Variants in YIPF4 observed in about 807,000 individuals in gnomAD.
YIPF4 encodes Yip1 domain family member 4.
In YIPF4, 18 loss-of-function variants were observed where a neutral mutation model predicts 29.4. That is an observed-to-expected ratio of 0.61 (90% confidence interval 0.42 to 0.91). The LOEUF (loss-of-function observed/expected upper bound fraction) is 0.91. Among genes scored for constraint, YIPF4 ranks in the 40% least tolerant of loss-of-function variants. The pLI, the probability that YIPF4 is intolerant of heterozygous loss-of-function variation, is 0.00. For synonymous variants in YIPF4, 115 were observed against 104.7 expected (o/e 1.10, Z -0.60); for missense variants, 279 against 282.7 (o/e 0.99, Z 0.09).
chr2:32,291,736 G>A (rs191559182), intron 2 of YIPF4, among the ~76,000 whole-genome samples: 1 of 152,276 alleles, frequency 6.6e-6, no homozygotes, highest in Non-Finnish European at 1.5e-5. Flanking sequence ...AAGGAAGTTT[G>A]CTTCAGTTTG....
chr2:32,280,882 T>C (rs758437372), intron 1 of YIPF4, among the ~76,000 whole-genome samples: 2 of 152,338 alleles, frequency 1.3e-5, no homozygotes, highest in South Asian at 4.1e-4. Flanking sequence ...ATATCAACTT[T>C]AATTTCCCAG....
intron 4 of YIPF4, among the ~76,000 whole-genome samples, chr2:32,299,830 G>T (rs2031330046): frequency 6.6e-6 from 1 of 151,628 alleles, no homozygotes; most frequent in African/African-American, 2.4e-5. Flanking sequence ...AATAAATAAG[G>T]AGTTTTGAGC....
rs1369884308 is a variant in YIPF4, at chr2:32,308,344, C to G, written c.*2718C>G. ...CAGGATGGTCTCGATCTCCTGACCT[C>G]GTGATCCGCCCGCCTCAGCCTCCCA... On this transcript the variant is annotated 3_prime_UTR_variant, in exon 6 of 6. Coordinates refer to ENST00000238831, the MANE Select transcript of YIPF4 (RefSeq NM_032312.4). The G allele has an allele frequency of 3.9e-5, 6 of 152,212 alleles. No individual in the cohort carries two copies. Among genetic ancestry groups the G allele is most frequent in the African/African-American group, 1.2e-4 (5 of 41,444 alleles). The allele number at this position is 152,212 out of a possible 1,614,324, so 9.4% of individuals were successfully genotyped here.
chr2:32,291,254 G>A (rs548580683), intron 2 of YIPF4, among the ~76,000 whole-genome samples: 163 of 152,290 alleles, frequency 1.1e-3, no homozygotes, highest in African/African-American at 3.8e-3. Context: ...CCATATATCG[G>A]CCAGGCATAG....
At chr2:32,279,846 T>G (rs191778076) in intron 1 of YIPF4, among the ~76,000 whole-genome samples, 197 of 151,760 alleles carry the variant, frequency 1.3e-3, no homozygotes, top group African/African-American at 4.7e-3. Flanking sequence ...CAATAAAATT[T>G]TTGTCTATCA....
chr2:32,278,499 G>A (rs1447598421), intron 1 of YIPF4, among the ~76,000 whole-genome samples: 1 of 152,136 alleles, frequency 6.6e-6, no homozygotes, highest in East Asian at 1.9e-4. Flanking sequence ...TTTCTGGGTG[G>A]CTTAGTCTCT....
At position 32,297,127 on chromosome 2, in the gene YIPF4, G is replaced by T. The variant is rs537786764; in HGVS notation, c.406-1107G>T. Among the ~76,000 whole-genome samples the T allele has an allele frequency of 3.6e-3, 522 of 143,840 alleles. 3 individuals carry two copies. The highest frequency in any genetic ancestry group is 0.013 in the East Asian group (63 of 4,964). 94.4% of individuals were successfully genotyped at this position (143,840 alleles called of 152,430 possible). A position where few individuals can be genotyped will look rare whatever the true frequency, so the allele number is the denominator to read the frequency against. On this transcript the variant is annotated intron_variant, in intron 3 of 5. Transcript: ENST00000238831. ...CAGCCTTGGAATCAACCGTTTTTTT[G>T]TTTTTTTTTTTCTTGAAATGGTGTT...
rs1307468688 is a variant in YIPF4, at chr2:32,316,554, G to T, written c.*10928G>T. 1 of 152,124 alleles carries T rather than the reference G, an allele frequency of 6.6e-6. No individual in the cohort carries two copies. Among genetic ancestry groups the T allele is most frequent in the South Asian group, 2.1e-4 (1 of 4,826 alleles). 9.4% of individuals were successfully genotyped at this position (152,124 alleles called of 1,614,324 possible). On this transcript the variant is annotated 3_prime_UTR_variant, in exon 6 of 6. Transcript: ENST00000238831. ...TGTGTCAATGGTAAATAGTATTATT[G>T]TAAGTACAACACTAAAATTAATAAA...
At chr2:32,302,998 A>C (rs1490076648) in intron 5 of YIPF4, among the ~76,000 whole-genome samples, 1 of 152,152 alleles carries the variant, frequency 6.6e-6, no homozygotes, top group Non-Finnish European at 1.5e-5. Context: ...AGGTATCTTA[A>C]CTTTTCTTAC....
chr2:32,283,428 C>G lies in YIPF4; in HGVS notation c.79+5194C>G, dbSNP rs569926537. Among the ~76,000 whole-genome samples, 3 of 152,252 alleles carry G rather than the reference C, an allele frequency of 2.0e-5. No individual in the cohort carries two copies. The South Asian group carries it at 6.2e-4, about 32-fold the overall frequency. On this transcript the variant is annotated intron_variant, in intron 1 of 5. Transcript: ENST00000238831. ...TCATTCTTAATGATAGCTATCCTTA[C>G]TATTTCTCCACACATACCCTTTATT...
intron 1 of YIPF4, among the ~76,000 whole-genome samples, chr2:32,281,138 G>A (rs2030389276): frequency 6.6e-6 from 1 of 151,858 alleles, no homozygotes; most frequent in South Asian, 2.1e-4. Flanking sequence ...ATATAGGTCT[G>A]TATATCCACG....
chr2:32,283,214 C>T (rs1349094138), intron 1 of YIPF4, among the ~76,000 whole-genome samples: 1 of 151,942 alleles, frequency 6.6e-6, no homozygotes, highest in Non-Finnish European at 1.5e-5. Flanking sequence ...GTTAACTGAC[C>T]CCACACTTTT....
At chr2:32,294,662 G>T (rs2031096277) in intron 3 of YIPF4, among the ~76,000 whole-genome samples, 1 of 152,052 alleles carries the variant, frequency 6.6e-6, no homozygotes. Flanking sequence ...TCCCAGACGG[G>T]GTGGCGGCCG....
At chr2:32,295,023 T>G (rs2031117534) in intron 3 of YIPF4, among the ~76,000 whole-genome samples, 1 of 132,936 alleles carries the variant, frequency 7.5e-6, no homozygotes. Flanking sequence ...AGCAGTACAG[T>G]CCAGCTTCGG....
chr2:32,285,993 A>G (rs1230944972), intron 1 of YIPF4, among the ~76,000 whole-genome samples: 1 of 152,214 alleles, frequency 6.6e-6, no homozygotes, highest in African/African-American at 2.4e-5. Context: ...GGGTGCAAGA[A>G]TAACTTTTAT....
intron 1 of YIPF4, among the ~76,000 whole-genome samples, chr2:32,279,532 G>A (rs1391605422): frequency 6.6e-6 from 1 of 150,642 alleles, no homozygotes; most frequent in African/African-American, 2.4e-5. Flanking sequence ...CGTGTAGCTG[G>A]GACTACAGGC....
rs764538401 is a variant in YIPF4 at position 32,311,239 on chromosome 2, G to C, written c.*5613G>C. Reference sequence around the variant, plus strand: ...TTATAACAAACTGGTGAAAATTTTAGACCAAACCATGTCTTTCTGGGTTGT... The same window carrying C: ...TTATAACAAACTGGTGAAAATTTTACACCAAACCATGTCTTTCTGGGTTGT... On this transcript the variant is annotated 3_prime_UTR_variant, in exon 6 of 6. Transcript: ENST00000238831. 1 of 152,128 alleles carries C rather than the reference G, an allele frequency of 6.6e-6. No individual in the cohort carries two copies. Among genetic ancestry groups the C allele is most frequent in the African/African-American group, 2.4e-5 (1 of 41,422 alleles). The allele number at this position is 152,128 out of a possible 1,614,324, so 9.4% of individuals were successfully genotyped here.
rs553134007 is a variant in YIPF4, at chr2:32,309,998, T to A, written c.*4372T>A. 1 of 152,174 alleles carries A rather than the reference T, an allele frequency of 6.6e-6. No individual in the cohort carries two copies. The highest frequency in any genetic ancestry group is 1.5e-5 in the Non-Finnish European group (1 of 68,030). 9.4% of individuals were successfully genotyped at this position (152,174 alleles called of 1,614,324 possible). A position where few individuals can be genotyped will look rare whatever the true frequency, so the allele number is the denominator to read the frequency against. ...AGCCACCGTGCCCGGCACTTTTGTT[T>A]TTAAAATAATATCTTACTTTCATAT... On this transcript the variant is annotated 3_prime_UTR_variant, in exon 6 of 6. Transcript: ENST00000238831.
Position 32,311,577 on chromosome 2 carries a change from A to G in YIPF4, c.*5951A>G, listed in dbSNP as rs926811835. 2.0e-5 allele frequency: 3 copies of G among 152,220 alleles called. No individual in the cohort carries two copies. Among genetic ancestry groups the G allele is most frequent in the African/African-American group, 7.2e-5 (3 of 41,466 alleles). 9.4% of individuals were successfully genotyped at this position (152,220 alleles called of 1,614,324 possible). On this transcript the variant is annotated 3_prime_UTR_variant, in exon 6 of 6. Coordinates refer to ENST00000238831, the MANE Select transcript of YIPF4 (RefSeq NM_032312.4). Reference sequence around the variant, plus strand: ...GCTGTTGCTGAGATAATTAAGTTAGATACTAATATGAAAAAGAATATTTGT... The same window carrying G: ...GCTGTTGCTGAGATAATTAAGTTAGGTACTAATATGAAAAAGAATATTTGT...
Sources: allele counts gnomAD v4.1 joint callset (sites outside exome capture counted in the v4.1 genomes callset), GRCh38; gene constraint gnomAD v4.1.1; transcripts MANE v1.5; gene names NCBI Gene and HGNC (gene_info 2026-07-23, HGNC 2026-07-21).